Variants in DAB1 observed in about 807,000 individuals in gnomAD.
DAB1 encodes disabled homolog 1.
A neutral mutation model predicts 64.6 loss-of-function variants in DAB1; 15 were observed. The observed-to-expected ratio is 0.23, with a 90% confidence interval of 0.16 to 0.36. The LOEUF is 0.36. DAB1 is among the 10% of genes least tolerant of loss of function. The pLI, the probability that DAB1 is intolerant of heterozygous loss-of-function variation, is 1.00. For synonymous variants in DAB1, 235 were observed against 251.9 expected (o/e 0.93, Z 0.64); for missense variants, 596 against 706.7 (o/e 0.84, Z 1.78).
At chr1:57,167,808 C>T (rs920028845) in intron 2 of DAB1, among the ~76,000 whole-genome samples, 1 of 152,202 alleles carries the variant, frequency 6.6e-6, no homozygotes, top group African/African-American at 2.4e-5. Flanking sequence ...ACATTAGCCA[C>T]AGCACTCAGC....
At chr1:58,013,856 A>G (rs917128665) in intron 5 of DAB1, among the ~76,000 whole-genome samples, 2 of 150,692 alleles carry the variant, frequency 1.3e-5, no homozygotes, top group Non-Finnish European at 3.0e-5. Context: ...CAAATCATGG[A>G]CTTTTATCTT....
At chr1:58,013,485 C>T (rs980755903) in intron 5 of DAB1, among the ~76,000 whole-genome samples, 1 of 152,184 alleles carries the variant, frequency 6.6e-6, no homozygotes, top group African/African-American at 2.4e-5. Context: ...AGAATTTTTA[C>T]TGGGCTTCTT....
chr1:57,234,180 T>C (rs1169454387), intron 2 of DAB1, among the ~76,000 whole-genome samples: 2 of 152,302 alleles, frequency 1.3e-5, no homozygotes, highest in African/African-American at 4.8e-5. Flanking sequence ...TCTAGTGTGG[T>C]AATACTACAC....
chr1:57,340,048 TG>T (rs1677443962), intron 1 of DAB1, among the ~76,000 whole-genome samples: 1 of 152,182 alleles, frequency 6.6e-6, no homozygotes, highest in South Asian at 2.1e-4. Flanking sequence ...CAAACCTGTT[TG>T]GAAGATGCCA....
intron 5 of DAB1, among the ~76,000 whole-genome samples, chr1:58,075,983 C>A (rs1291256336): frequency 1.3e-5 from 2 of 152,046 alleles, no homozygotes. Flanking sequence ...TACTCGGCTT[C>A]ATTTCCAAAT....
intron 2 of DAB1, among the ~76,000 whole-genome samples, chr1:57,178,101 C>G (rs1242034126): frequency 6.6e-6 from 1 of 151,928 alleles, no homozygotes; most frequent in Admixed American, 6.6e-5. Flanking sequence ...TCAAAAGTAC[C>G]AAGTATTGAT....
At chr1:57,450,612 G>A (rs1686314886) in intron 7 of DAB1, among the ~76,000 whole-genome samples, 1 of 152,204 alleles carries the variant, frequency 6.6e-6, no homozygotes, top group Admixed American at 6.5e-5. Context: ...AGGTGTTAAT[G>A]AGGCAGGCCC....
At chr1:57,943,471 A>G (rs1321573850) in intron 5 of DAB1, among the ~76,000 whole-genome samples, 1 of 151,916 alleles carries the variant, frequency 6.6e-6, no homozygotes, top group Non-Finnish European at 1.5e-5. Flanking sequence ...AGAGGCATAG[A>G]CTCCACCCCT....
intron 4 of DAB1, among the ~76,000 whole-genome samples, chr1:58,324,516 C>T (rs934689295): frequency 6.6e-6 from 1 of 152,132 alleles, no homozygotes; most frequent in African/African-American, 2.4e-5. Flanking sequence ...AATTGGACCC[C>T]CATCAGGCCA....
intron 1 of DAB1, chr1:57,878,630 A>G (rs1171521823): frequency 6.6e-6 from 1 of 152,158 alleles, no homozygotes; most frequent in African/African-American, 2.4e-5. Context: ...GTAATGGTCA[A>G]CTTAGGGTAT....
At chr1:57,885,050 T>C (rs1186149932), upstream of DAB1, among the ~76,000 whole-genome samples, 1 of 152,208 alleles carries the variant, frequency 6.6e-6, no homozygotes, top group African/African-American at 2.4e-5. Context: ...AAATCTCTTA[T>C]CTTTATAAAT....
chr1:58,354,199 CTTG>C (rs1403209840), intron 3 of DAB1, among the ~76,000 whole-genome samples: 4 of 152,040 alleles, frequency 2.6e-5, no homozygotes, highest in South Asian at 2.1e-4. Flanking sequence ...AGCTTTCTTC[CTTG>C]TTGTTTTTTT....
At chr1:58,226,101 T>C (rs1368236710) in intron 4 of DAB1, among the ~76,000 whole-genome samples, 1 of 152,146 alleles carries the variant, frequency 6.6e-6, no homozygotes. Context: ...GGGATACCTC[T>C]GGCTCTGCCA....
At chr1:58,098,527 C>T (rs72906566) in intron 5 of DAB1, among the ~76,000 whole-genome samples, 1,637 of 152,306 alleles carry the variant, frequency 0.011, 26 homozygotes, top group African/African-American at 0.036. Flanking sequence ...GTTGGCCACA[C>T]TGAACCAGGA....
intron 1 of DAB1, among the ~76,000 whole-genome samples, chr1:57,323,354 A>C (rs949249003): frequency 2.0e-5 from 3 of 152,188 alleles, no homozygotes; most frequent in African/African-American, 7.2e-5. Context: ...GACTTTATTG[A>C]GTTATAGAGG....
At chr1:57,343,483 A>T (rs11589921) in intron 1 of DAB1, among the ~76,000 whole-genome samples, 62,075 of 151,974 alleles carry the variant, frequency 0.41, 13,085 homozygotes, top group Non-Finnish European at 0.44. Context: ...CGATGGGACT[A>T]GGCGCCATGG....
At chr1:57,902,811 T>G (rs1018370975) in intron 5 of DAB1, among the ~76,000 whole-genome samples, 2 of 152,152 alleles carry the variant, frequency 1.3e-5, no homozygotes, top group Non-Finnish European at 2.9e-5. Context: ...GAGACTGTAT[T>G]TAAGACCATA....
chr1:57,029,386 T>C (rs1646895908), intron 9 of DAB1, among the ~76,000 whole-genome samples: 1 of 152,232 alleles, frequency 6.6e-6, no homozygotes, highest in Non-Finnish European at 1.5e-5. Context: ...GGAAAACTCC[T>C]GCTAGGGCAG....
chr1:57,560,834 T>C (rs907260724), intron 7 of DAB1, among the ~76,000 whole-genome samples: 7 of 152,224 alleles, frequency 4.6e-5, no homozygotes, highest in Admixed American at 3.3e-4. Context: ...AGCAAGGCTC[T>C]GACATCTTCT....
Sources: gnomAD v4.1 joint callset for allele counts (sites outside exome capture counted in the v4.1 genomes callset) on GRCh38, gnomAD v4.1.1 for gene constraint, MANE v1.5 for transcripts, NCBI Gene and HGNC (gene_info 2026-07-23, HGNC 2026-07-21) for gene names.